CD99L2: variants seen among roughly 807,000 people sequenced by gnomAD.
CD99L2 encodes CD99 molecule like 2.
CD99L2 carries 24 observed loss-of-function variants against 27.3 expected under a neutral mutation model. The observed-to-expected ratio is 0.88, with a 90% confidence interval of 0.64 to 1.24. CD99L2 has a LOEUF of 1.24. Ranked by LOEUF, CD99L2 falls within the 50% of genes most tolerant of loss-of-function variation. The probability of loss-of-function intolerance (pLI) is 0.00; values close to 1 mark genes in which losing one functional copy is unlikely to be tolerated. For missense variants in CD99L2, 255 were observed against 221.6 expected, an observed-to-expected ratio of 1.15 and a Z score of -0.96; for synonymous variants, 97 against 87.9, an observed-to-expected ratio of 1.10 and a Z score of -0.58.
chrX:150,781,962 A>G (rs2045519214), intron 7 of CD99L2, among the ~76,000 whole-genome samples: 1 of 112,184 alleles, frequency 8.9e-6, no homozygotes, highest in Non-Finnish European at 1.9e-5. Flanking sequence ...GTAGCCATAC[A>G]TCTGGGGGAG....
At chrX:150,805,875 G>A (rs2045986089) in intron 4 of CD99L2, among the ~76,000 whole-genome samples, 1 of 111,865 alleles carries the variant, frequency 8.9e-6, no homozygotes, top group African/African-American at 3.3e-5. Context: ...TCAGGGGTTA[G>A]AGACAGGCAA....
chrX:150,888,676 T>C (rs1192643690), intron 1 of CD99L2, among the ~76,000 whole-genome samples: 1 of 112,701 alleles, frequency 8.9e-6, no homozygotes, highest in Non-Finnish European at 1.9e-5. Context: ...TCTACTGGAA[T>C]GTTCATGCTT....
At chrX:150,803,572 GGACA>G (rs782469201) in intron 4 of CD99L2, among the ~76,000 whole-genome samples, 17 of 111,586 alleles carry the variant, frequency 1.5e-4, no homozygotes, top group African/African-American at 4.6e-4. Context: ...TGTGGCAGAG[GGACA>G]GACAGACAGA....
At chrX:150,773,485 A>C (rs1159187140) in intron 9 of CD99L2, among the ~76,000 whole-genome samples, 1 of 112,365 alleles carries the variant, frequency 8.9e-6, no homozygotes, top group Non-Finnish European at 1.9e-5. Context: ...TGGCCATCTC[A>C]CCCAGTTTTG....
chrX:150,837,992 G>A lies in CD99L2; in HGVS notation c.68-6699C>T, dbSNP rs536345904. ...AAACCTGACAAACACTACCTGAGCC[G>A]GGTGACCAAGGTCAACATGTACAAT... On this transcript the variant is annotated intron_variant, in intron 1 of 10. Transcript: ENST00000370377. 1.9e-4 allele frequency among the ~76,000 whole-genome samples: 21 copies of A among 112,197 alleles called. No homozygotes were observed. The South Asian group carries it at 5.6e-3, about 30-fold the overall frequency.
intron 7 of CD99L2, among the ~76,000 whole-genome samples, chrX:150,788,478 G>A (rs1229324165): frequency 9.0e-6 from 1 of 111,321 alleles, no homozygotes; most frequent in East Asian, 2.8e-4. Flanking sequence ...CGCTTAGCTG[G>A]TCATCCCAAG....
intron 4 of CD99L2, among the ~76,000 whole-genome samples, chrX:150,812,526 G>T (rs2046087798): frequency 8.9e-6 from 1 of 111,871 alleles, no homozygotes; most frequent in South Asian, 3.7e-4. Flanking sequence ...TTATAAAATG[G>T]CTAAAATGGA....
At chrX:150,794,944 G>A (rs1353362539) in intron 6 of CD99L2, among the ~76,000 whole-genome samples, 1 of 112,759 alleles carries the variant, frequency 8.9e-6, no homozygotes, top group Non-Finnish European at 1.9e-5. Flanking sequence ...TGGGTTTAAT[G>A]TTGTTCATTT....
intron 1 of CD99L2, among the ~76,000 whole-genome samples, chrX:150,836,120 G>T (rs1360707707): frequency 9.0e-6 from 1 of 111,610 alleles, no homozygotes; most frequent in Non-Finnish European, 1.9e-5. Flanking sequence ...GTTTCCTCTA[G>T]ATGGGCACGT....
intron 7 of CD99L2, among the ~76,000 whole-genome samples, chrX:150,782,035 GTGCCTGACCCACCTGGT>G (rs2045521345): frequency 8.9e-6 from 1 of 112,022 alleles, no homozygotes; most frequent in Non-Finnish European, 1.9e-5. Flanking sequence ...CTCACCGTGA[GTGCCTGACCCACCTGGT>G]TGCCAAGGGC....
At chrX:150,836,200 C>A (rs1265749780) in intron 1 of CD99L2, among the ~76,000 whole-genome samples, 1 of 111,312 alleles carries the variant, frequency 9.0e-6, no homozygotes, top group Non-Finnish European at 1.9e-5. Flanking sequence ...TGGAATTGAC[C>A]TAAGTAAATG....
At chrX:150,879,364 G>C (rs971484049) in intron 1 of CD99L2, among the ~76,000 whole-genome samples, 20 of 111,899 alleles carry the variant, frequency 1.8e-4, no homozygotes, top group African/African-American at 6.5e-4. Context: ...TAAGAAAAGG[G>C]AGAAGGTGGC....
At chrX:150,890,582 G>A (rs1290680593) in intron 1 of CD99L2, among the ~76,000 whole-genome samples, 1 of 111,944 alleles carries the variant, frequency 8.9e-6, no homozygotes, top group Non-Finnish European at 1.9e-5. Flanking sequence ...GGATTCAGGT[G>A]CACCCATTCC....
intron 9 of CD99L2, among the ~76,000 whole-genome samples, chrX:150,774,690 C>G (rs1457376599): frequency 8.9e-6 from 1 of 112,069 alleles, no homozygotes; most frequent in African/African-American, 3.2e-5. Context: ...AGGCACAGCC[C>G]AGGAGGCTGA....
At chrX:150,845,397 G>A (rs188570336) in intron 1 of CD99L2, among the ~76,000 whole-genome samples, 2 of 111,954 alleles carry the variant, frequency 1.8e-5, no homozygotes, top group South Asian at 3.7e-4. Context: ...ACACAGAGTC[G>A]TGGGCTTTAA....
chrX:150,793,529 C>G (rs906394645), intron 7 of CD99L2, among the ~76,000 whole-genome samples, 162 bp downstream of exon 7: 3 of 112,405 alleles, frequency 2.7e-5, no homozygotes, highest in Non-Finnish European at 3.8e-5. Context: ...AAATCCCCCC[C>G]TTGAACTGCA....
intron 9 of CD99L2, among the ~76,000 whole-genome samples, chrX:150,774,508 C>A (rs1176681595): frequency 8.9e-6 from 1 of 112,110 alleles, no homozygotes; most frequent in Non-Finnish European, 1.9e-5. Flanking sequence ...GAATCCCCAT[C>A]TCGTTCCAAT....
At chrX:150,793,613 G>T in intron 7 of CD99L2, 78 bp downstream of exon 7, 1 of 855,102 alleles carries the variant, frequency 1.2e-6, no homozygotes, top group Non-Finnish European at 1.6e-6. Flanking sequence ...TTTCCCAGAG[G>T]CTCAATTAAT....
At chrX:150,887,141 CAAA>C (rs58847466) in intron 1 of CD99L2, among the ~76,000 whole-genome samples, 1 of 78,695 alleles carries the variant, frequency 1.3e-5, no homozygotes, top group African/African-American at 4.5e-5. Context: ...GAGACTCTGT[CAAA>C]AAAAAAAAAA....
Sources: allele counts gnomAD v4.1 joint callset (sites outside exome capture counted in the v4.1 genomes callset), GRCh38; gene constraint gnomAD v4.1.1; transcripts MANE v1.5; gene names NCBI Gene and HGNC (gene_info 2026-07-23, HGNC 2026-07-21).